FBXL7: variants seen among roughly 807,000 people sequenced by gnomAD.
The protein encoded by FBXL7 is F-box/LRR-repeat protein 7.
A neutral mutation model predicts 38.3 loss-of-function variants in FBXL7; 12 were observed. That is an observed-to-expected ratio of 0.31 (90% CI 0.20 to 0.51). FBXL7 has a LOEUF of 0.51. FBXL7 is among the 20% of genes least tolerant of loss of function. The pLI, the probability that FBXL7 is intolerant of heterozygous loss-of-function variation, is 0.98. For synonymous variants in FBXL7, 297 were observed against 300.9 expected (o/e 0.99, Z 0.13); for missense variants, 567 against 676.4 (o/e 0.84, Z 1.79).
At chr5:15,611,227 A>G (rs372297115) in intron 1 of FBXL7, among the ~76,000 whole-genome samples, 3 of 152,030 alleles carry the variant, frequency 2.0e-5, no homozygotes, top group African/African-American at 7.2e-5. Context: ...CTTCCCATAT[A>G]AGGCTGAACA....
In FBXL7 at chr5:15,896,842, G is replaced by A. The variant is rs555067685; in HGVS notation, c.128-31048G>A. On this transcript the variant is annotated intron_variant, in intron 2 of 3. Coordinates refer to ENST00000504595, the MANE Select transcript of FBXL7 (RefSeq NM_012304.5). Reference sequence around the variant, plus strand: ...ACTATTTAAAGGTGTTTTACAATACGTAATAGGATGGCCTGGCATGGTGGG... The same window carrying A: ...ACTATTTAAAGGTGTTTTACAATACATAATAGGATGGCCTGGCATGGTGGG... Among the ~76,000 whole-genome samples, 15 of 152,122 alleles carry A rather than the reference G, an allele frequency of 9.9e-5. 1 individual carries two copies. The highest frequency in any genetic ancestry group is 6.5e-4 in the Admixed American group (10 of 15,276).
chr5:15,590,335 C>G (rs748954645), intron 1 of FBXL7, among the ~76,000 whole-genome samples: 1 of 152,080 alleles, frequency 6.6e-6, no homozygotes, highest in African/African-American at 2.4e-5. Context: ...TAACCAGACT[C>G]GCTGCCTCTA....
At chr5:15,539,222 T>C (rs1033238381) in intron 1 of FBXL7, among the ~76,000 whole-genome samples, 3 of 152,162 alleles carry the variant, frequency 2.0e-5, no homozygotes, top group African/African-American at 4.8e-5. Flanking sequence ...CTTAGACGGA[T>C]CTTAGCTTGG....
chr5:15,521,726 C>T (rs1445723707), intron 1 of FBXL7, among the ~76,000 whole-genome samples: 1 of 152,162 alleles, frequency 6.6e-6, no homozygotes, highest in East Asian at 1.9e-4. Flanking sequence ...GTGCAGTGCT[C>T]TCGTGGGAAA....
chr5:15,503,897 C>G lies in FBXL7; in HGVS notation c.37+3184C>G, dbSNP rs956264513. ...TGTTGAATTATTAGAACTTTTAACA[C>G]GTCAATATTCTGTTGGTAATCTCAT... On this transcript the variant is annotated intron_variant, in intron 1 of 3. Coordinates refer to ENST00000504595, the MANE Select transcript of FBXL7 (RefSeq NM_012304.5). Among the ~76,000 whole-genome samples the G allele has an allele frequency of 1.9e-4, 29 of 152,288 alleles. No homozygotes were observed. The East Asian group carries it at 3.9e-3, about 20-fold the overall frequency.
At chr5:15,846,056 A>C (rs931516703) in intron 2 of FBXL7, among the ~76,000 whole-genome samples, 2 of 152,252 alleles carry the variant, frequency 1.3e-5, no homozygotes, top group Non-Finnish European at 2.9e-5. Flanking sequence ...TATATCCACT[A>C]TGGTGTGTGG....
chr5:15,783,699 G>A (rs1231048471), intron 2 of FBXL7, among the ~76,000 whole-genome samples: 1 of 152,182 alleles, frequency 6.6e-6, no homozygotes, highest in African/African-American at 2.4e-5. Context: ...AGTGTGCTCA[G>A]AGGACAGGTC....
At chr5:15,592,812 A>G (rs1046570124) in intron 1 of FBXL7, among the ~76,000 whole-genome samples, 1 of 152,224 alleles carries the variant, frequency 6.6e-6, no homozygotes, top group Non-Finnish European at 1.5e-5. Context: ...AGAGGTCATT[A>G]TTTGAAGTGT....
intron 2 of FBXL7, among the ~76,000 whole-genome samples, chr5:15,717,284 G>A (rs543471540): frequency 6.6e-6 from 1 of 152,274 alleles, no homozygotes; most frequent in Admixed American, 6.5e-5. Context: ...CTCCTATGGC[G>A]ATGTCTCCTA....
chr5:15,611,852 G>T (rs1455588530), intron 1 of FBXL7, among the ~76,000 whole-genome samples: 2 of 151,718 alleles, frequency 1.3e-5, no homozygotes, highest in South Asian at 2.1e-4. Context: ...GTATGGTGGT[G>T]TGCCTGTAGT....
intron 2 of FBXL7, among the ~76,000 whole-genome samples, chr5:15,810,331 T>G (rs981614325): frequency 4.6e-5 from 7 of 151,828 alleles, no homozygotes; most frequent in African/African-American, 1.7e-4. Context: ...GAGGCCGAGG[T>G]GGGCAGATCA....
At chr5:15,588,509 C>T (rs1226132601) in intron 1 of FBXL7, among the ~76,000 whole-genome samples, 1 of 151,788 alleles carries the variant, frequency 6.6e-6, no homozygotes, top group Non-Finnish European at 1.5e-5. Flanking sequence ...GTCTCAGCCT[C>T]CTGAGTAGCT....
At chr5:15,556,463 G>T (rs1376579355) in intron 1 of FBXL7, among the ~76,000 whole-genome samples, 1 of 152,082 alleles carries the variant, frequency 6.6e-6, no homozygotes, top group Non-Finnish European at 1.5e-5. Context: ...ATCTTTTCCA[G>T]GAACACCCTC....
chr5:15,850,229 G>A (rs2126793225), intron 2 of FBXL7, among the ~76,000 whole-genome samples: 1 of 152,300 alleles, frequency 6.6e-6, no homozygotes, highest in South Asian at 2.1e-4. Context: ...AGCAACAATA[G>A]GAAAACATTC....
At chr5:15,743,414 T>C (rs1735939582) in intron 2 of FBXL7, among the ~76,000 whole-genome samples, 1 of 152,122 alleles carries the variant, frequency 6.6e-6, no homozygotes, top group Non-Finnish European at 1.5e-5. Flanking sequence ...TCAGTAAAAA[T>C]GTTAAAGCTC....
At chr5:15,826,937 C>T (rs771272170) in intron 2 of FBXL7, among the ~76,000 whole-genome samples, 6 of 150,546 alleles carry the variant, frequency 4.0e-5, no homozygotes, top group South Asian at 2.1e-4. Flanking sequence ...TTTTTTTCCA[C>T]GAGAAATTTA....
At chr5:15,537,900 G>A (rs1737633027) in intron 1 of FBXL7, among the ~76,000 whole-genome samples, 1 of 152,228 alleles carries the variant, frequency 6.6e-6, no homozygotes, top group Admixed American at 6.5e-5. Context: ...CATGGAAAGA[G>A]TTAGTGGCCA....
chr5:15,859,372 T>A (rs145437823), intron 2 of FBXL7, among the ~76,000 whole-genome samples: 4 of 152,170 alleles, frequency 2.6e-5, no homozygotes, highest in Admixed American at 1.3e-4. Context: ...AGAGACATTG[T>A]TGGTTGTCAC....
At chr5:15,567,883 G>T (rs1738638903) in intron 1 of FBXL7, among the ~76,000 whole-genome samples, 1 of 152,104 alleles carries the variant, frequency 6.6e-6, no homozygotes, top group Non-Finnish European at 1.5e-5. Flanking sequence ...TGCTGGGAAT[G>T]ATGGTTTCCA....
Sources: gnomAD v4.1 joint callset for allele counts (sites outside exome capture counted in the v4.1 genomes callset) on GRCh38, gnomAD v4.1.1 for gene constraint, MANE v1.5 for transcripts, NCBI Gene and HGNC (gene_info 2026-07-23, HGNC 2026-07-21) for gene names.